Variants in FUT1 observed in about 807,000 individuals in gnomAD.
FUT1 encodes galactoside alpha-(1,2)-fucosyltransferase 1.
For synonymous variants in FUT1, 215 were observed against 208.7 expected, an observed-to-expected ratio of 1.03 and a Z score of -0.26; for missense variants, 476 against 492.7, an observed-to-expected ratio of 0.97 and a Z score of 0.32.
rs71179040 is a variant in FUT1 at position 48,752,109 on chromosome 19, T to TAAAAAA, written c.-3+375_-3+380dup. On this transcript the variant is annotated intron_variant, in intron 1 of 1. Transcript: ENST00000645652. This position sits in a 1 kb window ranked among gnomAD's most constrained non-coding sequence, Gnocchi z 4.3. ...TGCGCGACAGAGAGGGACCCTGTCTTAAAAAAAAAAAAAAAAAAAAAAAAA... is the reference window on the plus strand; with the variant it reads ...TGCGCGACAGAGAGGGACCCTGTCTTAAAAAAAAAAAAAAAAAAAAAAAAAAAAAAA... 0.036 allele frequency among the ~76,000 whole-genome samples: 3,574 copies of TAAAAAA among 99,960 alleles called. 84 individuals carry two copies. The highest frequency in any genetic ancestry group is 0.085 in the South Asian group (202 of 2,366). 65.6% of individuals were successfully genotyped at this position (99,960 alleles called of 152,430 possible).
Position 48,750,815 on chromosome 19 carries a change from T to C in FUT1, c.467A>G (p.Asp156Gly). ...GAGCTTCAGGAAAGGATCTCTCAAG[T>C]CCGCGTACTCCTCCGACATCCAGTC... ...LHDWMSEEYA[D>G]LRDPFLKLSG... Residue 156 changes from aspartate to glycine, a missense_variant, in exon 2 of 2, where the codon GAC (aspartate) becomes GGC (glycine). Transcript: ENST00000645652. 6.2e-7 allele frequency: 1 copy of C among 1,613,866 alleles called. No individual in the cohort carries two copies. Among genetic ancestry groups the C allele is most frequent in the Non-Finnish European group, 8.5e-7 (1 of 1,179,986 alleles).
chr19:48,748,721 C>G lies in FUT1; in HGVS notation c.*1463G>C, dbSNP rs564817879. The G allele has an allele frequency of 6.6e-5, 10 of 152,462 alleles. No homozygotes were observed. The highest frequency in any genetic ancestry group is 9.6e-5 in the African/African-American group (4 of 41,578). 9.4% of individuals were successfully genotyped at this position (152,462 alleles called of 1,614,324 possible). On this transcript the variant is annotated 3_prime_UTR_variant, in exon 2 of 2. Coordinates refer to ENST00000645652, the MANE Select transcript of FUT1 (RefSeq NM_001384359.1). ...GTTGGACAGAGTCCCGCTCTGCTCA[C>G]CAACTACCCCAGCTTTTCCAGAGAC...
chr19:48,752,681 G>T (rs1431088565), upstream of FUT1: 3 of 985,350 alleles, frequency 3.0e-6, no homozygotes, highest in Non-Finnish European at 3.6e-6. The surrounding 1 kb of genome is among the most constrained non-coding windows in gnomAD (Gnocchi z 4.3). Flanking sequence ...GAGAGGGCGC[G>T]GCCGGGAGTC....
In FUT1 at chr19:48,748,414, G is replaced by A. The variant is rs895732809; in HGVS notation, c.*1770C>T. On this transcript the variant is annotated 3_prime_UTR_variant, in exon 2 of 2. Transcript: ENST00000645652. ...CCAGTTTGTCACAAGCACAGAGGGTGTGTTTATACCTGCACACTTCCAGAA... is the reference window on the plus strand; with the variant it reads ...CCAGTTTGTCACAAGCACAGAGGGTATGTTTATACCTGCACACTTCCAGAA... 12 of 152,346 alleles carry A rather than the reference G, an allele frequency of 7.9e-5. No individual in the cohort carries two copies. Among genetic ancestry groups the A allele is most frequent in the African/African-American group, 2.9e-4 (12 of 41,428 alleles). The allele number at this position is 152,346 out of a possible 1,614,324, so 9.4% of individuals were successfully genotyped here. A position where few individuals can be genotyped will look rare whatever the true frequency, so the allele number is the denominator to read the frequency against.
chr19:48,751,952 C>CAA lies in FUT1; in HGVS notation c.-3+536_-3+537dup, dbSNP rs148521911. ...GGCAACAAGAGTGAAACTCCGTCTC[C>CAA]AAAAAAAAATAAATAAAATTAGCTT... On this transcript the variant is annotated intron_variant, in intron 1 of 1. Transcript: ENST00000645652. Among the ~76,000 whole-genome samples the CAA allele has an allele frequency of 6.1e-3, 905 of 148,744 alleles. 11 individuals carry two copies. The highest frequency in any genetic ancestry group is 0.021 in the African/African-American group (862 of 40,532).
At position 48,748,928 on chromosome 19, in the gene FUT1, G is replaced by T; in HGVS notation, c.*1256C>A. 6.5e-6 allele frequency: 1 copy of T among 152,756 alleles called. No individual in the cohort carries two copies. Among genetic ancestry groups the T allele is most frequent in the South Asian group, 1.9e-4 (1 of 5,314 alleles). The allele number at this position is 152,756 out of a possible 1,614,324, so 9.5% of individuals were successfully genotyped here. A position where few individuals can be genotyped will look rare whatever the true frequency, so the allele number is the denominator to read the frequency against. On this transcript the variant is annotated 3_prime_UTR_variant, in exon 2 of 2. Coordinates refer to ENST00000645652, the MANE Select transcript of FUT1 (RefSeq NM_001384359.1). ...GCATTCTGGGAGGCCAAGGTGGGAG[G>T]ACTGCTTGAGCCCAGGAGTTGAAGA... is the stretch of plus-strand genomic sequence containing the variant.
Position 48,748,854 on chromosome 19 carries a change from A to G in FUT1, c.*1330T>C, listed in dbSNP as rs1360447487. 1.3e-5 allele frequency: 2 copies of G among 152,340 alleles called. No homozygotes were observed. The highest frequency in any genetic ancestry group is 2.9e-5 in the Non-Finnish European group (2 of 68,052). 9.4% of individuals were successfully genotyped at this position (152,340 alleles called of 1,614,324 possible). ...GATGCTACAATTAGGTTGCACATTCATTAGATTCTTCACTTGGCCCGGTGT... is the reference window on the plus strand; with the variant it reads ...GATGCTACAATTAGGTTGCACATTCGTTAGATTCTTCACTTGGCCCGGTGT... On this transcript the variant is annotated 3_prime_UTR_variant, in exon 2 of 2. Coordinates refer to ENST00000645652, the MANE Select transcript of FUT1 (RefSeq NM_001384359.1).
upstream of FUT1, among the ~76,000 whole-genome samples, chr19:48,754,122 A>G (rs2034049879): frequency 6.8e-6 from 1 of 147,484 alleles, no homozygotes; most frequent in Middle Eastern, 3.3e-3. Context: ...GGAGGCGGAG[A>G]TTGCAGTGAG....
At chr19:48,754,217 C>A (rs528423165), upstream of FUT1, among the ~76,000 whole-genome samples, 1 of 150,636 alleles carries the variant, frequency 6.6e-6, no homozygotes, top group South Asian at 2.1e-4. Flanking sequence ...TTCACTATTT[C>A]TTCTACCGCT....
At chr19:48,755,273 A>C (rs1281106164), upstream of FUT1, 1 of 147,332 alleles carries the variant, frequency 6.8e-6, no homozygotes, top group Non-Finnish European at 1.5e-5. Context: ...CTCCTCCCTC[A>C]GACACAGAAG....
Position 48,749,923 on chromosome 19 carries a change from GC to G in FUT1, c.*260del, listed in dbSNP as rs1568490193. 9.5e-6 allele frequency: 5 copies of G among 526,594 alleles called. No individual in the cohort carries two copies. The highest frequency in any genetic ancestry group is 1.7e-5 in the Non-Finnish European group (5 of 292,084). The allele number at this position is 526,594 out of a possible 1,614,324, so 32.6% of individuals were successfully genotyped here. On this transcript the variant is annotated 3_prime_UTR_variant, in exon 2 of 2. Coordinates refer to ENST00000645652, the MANE Select transcript of FUT1 (RefSeq NM_001384359.1). ...CCATCTGGAAGTACTGTAGATATGG[GC>G]TGGGAAGAGCAGGTGGGCACTGTGG... is the stretch of plus-strand genomic sequence containing the variant.
rs201562036 is a variant in FUT1 at position 48,750,864 on chromosome 19, G to A, written c.418C>T (p.Pro140Ser). The A allele has an allele frequency of 3.0e-4, 483 of 1,613,750 alleles. No homozygotes were observed. The highest frequency in any genetic ancestry group is 3.8e-4 in the Non-Finnish European group (447 of 1,180,008). ...VLAPEVDSRTPWRELQLHDWM... is the reference protein window; with the variant it reads ...VLAPEVDSRTSWRELQLHDWM... The stretch of plus-strand genomic sequence containing the variant: ...TCGTGAAGCTGCAGCTCCCGCCACG[G>A]CGTGCGGCTGTCCACTTCTGGGGCC... The change falls in exon 2 of 2, where the codon CCG becomes TCG. Residue 140 changes from proline (P) to serine (S), a missense_variant. Coordinates refer to ENST00000645652, the MANE Select transcript of FUT1 (RefSeq NM_001384359.1).
upstream of FUT1, among the ~76,000 whole-genome samples, chr19:48,754,068 C>T (rs996266917): frequency 6.6e-6 from 1 of 151,626 alleles, no homozygotes; most frequent in African/African-American, 2.4e-5. Flanking sequence ...CGCCTGTAGT[C>T]CTAGCTATTT....
At chr19:48,754,343 A>C (rs532528289), upstream of FUT1, among the ~76,000 whole-genome samples, 15 of 152,268 alleles carry the variant, frequency 9.9e-5, no homozygotes, top group African/African-American at 2.9e-4. Context: ...CCTAGATAAT[A>C]CCCAGCCTCC....
rs763594230 is a variant in FUT1 at position 48,751,087 on chromosome 19, G to A, written c.195C>T (p.Asn65=). ...FCLPGTAMGP[N]ASSSCPQHPA... is the part of the protein sequence containing the mutation. The stretch of plus-strand genomic sequence containing the variant: ...GGTGCTGGGGACAGGAAGAGGAGGC[G>A]TTGGGGCCCATCGCAGTACCCGGCA... The change falls in exon 2 of 2, where the codon AAC becomes AAT. Residue 65 remains asparagine (N), a synonymous_variant. Transcript: ENST00000645652. The A allele has an allele frequency of 1.1e-5, 17 of 1,611,904 alleles. No homozygotes were observed. The highest frequency in any genetic ancestry group is 1.4e-5 in the Non-Finnish European group (17 of 1,178,288).
rs28745908 is a variant in FUT1 at position 48,749,327 on chromosome 19, A to T, written c.*857T>A. The T allele has an allele frequency of 3.4e-4, 47 of 137,294 alleles. No individual in the cohort carries two copies. The highest frequency in any genetic ancestry group is 1.3e-3 in the African/African-American group (47 of 37,084). 8.5% of individuals were successfully genotyped at this position (137,294 alleles called of 1,614,324 possible). A position where few individuals can be genotyped will look rare whatever the true frequency, so the allele number is the denominator to read the frequency against. On this transcript the variant is annotated 3_prime_UTR_variant, in exon 2 of 2. Transcript: ENST00000645652. ...AAATAAATAAATAATTAAAAAAAAAATATCCGGGCTGGGCACAGTGGCTCA... is the reference window on the plus strand; with the variant it reads ...AAATAAATAAATAATTAAAAAAAAATTATCCGGGCTGGGCACAGTGGCTCA...
At position 48,750,661 on chromosome 19, in the gene FUT1, T is replaced by A; in HGVS notation, c.621A>T (p.Thr207=). ...CGACAAAGGTGCGCGGGCGGTCCCCTGTGCGGCCCAGGCGGAGCTGACCCA... is the reference window on the plus strand; with the variant it reads ...CGACAAAGGTGCGCGGGCGGTCCCCAGTGCGGCCCAGGCGGAGCTGACCCA... ...SVLGQLRLGR[T]GDRPRTFVGV... Residue 207 remains threonine, a synonymous_variant, in exon 2 of 2, where the codon ACA becomes ACT. Transcript: ENST00000645652. 1 of 1,612,910 alleles carries A rather than the reference T, an allele frequency of 6.2e-7. No homozygotes were observed. Among genetic ancestry groups the A allele is most frequent in the Non-Finnish European group, 8.5e-7 (1 of 1,179,962 alleles).
rs761127846 is a variant in FUT1 at position 48,751,269 on chromosome 19, TC to T, written c.12del (p.Ser5AlafsTer11). On this transcript the variant is annotated frameshift_variant, in exon 2 of 2. Coordinates refer to ENST00000645652, the MANE Select transcript of FUT1 (RefSeq NM_001384359.1). LOFTEE classifies it low-confidence loss of function (END_TRUNC). MWL[R>X]SHRQLCLAFL... ...AAGGCCAGGCAGAGCTGACGATGGC[TC>T]CGGAGCCACATGGCTGCAGGGGAGG... is the stretch of plus-strand genomic sequence containing the variant. 6.2e-7 allele frequency: 1 copy of T among 1,613,406 alleles called. No individual in the cohort carries two copies. Among genetic ancestry groups the T allele is most frequent in the Middle Eastern group, 1.7e-4 (1 of 6,060 alleles).
At position 48,751,124 on chromosome 19, in the gene FUT1, G is replaced by A; in HGVS notation, c.158C>T (p.Ala53Val). The A allele has an allele frequency of 1.9e-6, 3 of 1,613,538 alleles. No individual in the cohort carries two copies. The Admixed American group carries it at 5.0e-5, about 27-fold the overall frequency. Residue 53 changes from alanine to valine, a missense_variant, in exon 2 of 2, where the codon GCC becomes GTC. Coordinates refer to ENST00000645652, the MANE Select transcript of FUT1 (RefSeq NM_001384359.1). ...CGCAGTACCCGGCAGGCAGAAGATG[G>A]CCACTGGGGGTGTCACCAGGCGGCG... is the stretch of plus-strand genomic sequence containing the variant. ...PDRRLVTPPV[A>V]IFCLPGTAMG...
Sources: gnomAD v4.1 joint callset for allele counts (sites outside exome capture counted in the v4.1 genomes callset) on GRCh38, gnomAD v4.1.1 for gene constraint, Gnocchi (gnomAD v3.1) non-coding constraint, MANE v1.5 for transcripts, NCBI Gene and HGNC (gene_info 2026-07-23, HGNC 2026-07-21) for gene names.